Variants in PANK3 observed in about 807,000 individuals in gnomAD.
The protein encoded by PANK3 is hPanK3.
Under a neutral mutation model 39.4 loss-of-function variants are expected in PANK3, and 20 were observed. The ratio of observed to expected loss-of-function variants is 0.51; its 90% CI spans 0.36 to 0.74. PANK3 has a LOEUF of 0.74. Among genes scored for constraint, PANK3 ranks in the 30% least tolerant of loss-of-function variants. The pLI is 0.00. For synonymous variants in PANK3, 140 were observed against 157.3 expected (o/e 0.89, Z 0.82); for missense variants, 265 against 437.0 (o/e 0.61, Z 3.51).
intron 1 of PANK3, among the ~76,000 whole-genome samples, chr5:168,574,088 G>A (rs6875877): frequency 0.016 from 2,337 of 150,250 alleles, 66 homozygotes; most frequent in African/African-American, 0.054. Context: ...CTGAGGAATC[G>A]CCACACTGAC....
intron 1 of PANK3, among the ~76,000 whole-genome samples, chr5:168,576,323 A>G (rs998223441): frequency 2.0e-5 from 3 of 152,226 alleles, no homozygotes; most frequent in Non-Finnish European, 2.9e-5. Flanking sequence ...CTCAAAACCT[A>G]CATCACACCA....
At position 168,553,133 on chromosome 5, in the gene PANK3, G is replaced by A; in HGVS notation, c.*4438C>T. 1 of 449,252 alleles carries A rather than the reference G, an allele frequency of 2.2e-6. No individual in the cohort carries two copies. The highest frequency in any genetic ancestry group is 1.7e-5 in the South Asian group (1 of 57,402). 27.8% of individuals were successfully genotyped at this position (449,252 alleles called of 1,614,324 possible). Reference sequence around the variant, plus strand: ...CAAAATGGAAGGGCTACACTTTATAGGACAGCTGGAAGGATGGTAAAGCCC... The same window carrying A: ...CAAAATGGAAGGGCTACACTTTATAAGACAGCTGGAAGGATGGTAAAGCCC... On this transcript the variant is annotated 3_prime_UTR_variant, in exon 7 of 7. Coordinates refer to ENST00000239231, the MANE Select transcript of PANK3 (RefSeq NM_024594.4).
At chr5:168,569,024 A>ATATATATATATATAT (rs1313449980) in intron 1 of PANK3, 26 bp from the exon 2 acceptor site, 1 of 334,448 alleles carries the variant, frequency 3.0e-6, no homozygotes, top group African/African-American at 3.6e-5. Context: ...AAAAAAAAAA[A>ATATATATATATATAT]AAAAAAATAT....
At chr5:168,563,666 G>C (rs550538014) in intron 4 of PANK3, among the ~76,000 whole-genome samples, 69 of 136,380 alleles carry the variant, frequency 5.1e-4, no homozygotes, top group Middle Eastern at 3.6e-3. Flanking sequence ...ACACTGGAAA[G>C]ACACTCAAAA....
chr5:168,561,594 C>G (rs1211081322), intron 4 of PANK3, 78 bp from the exon 5 acceptor site: 4 of 1,222,266 alleles, frequency 3.3e-6, no homozygotes, highest in African/African-American at 1.6e-5. Flanking sequence ...TATCTACAAC[C>G]TGGATATTTT....
intron 5 of PANK3, chr5:168,561,012 T>C: frequency 2.1e-6 from 1 of 475,494 alleles, no homozygotes. Context: ...AATGCAACAT[T>C]AAGCACTGGT....
chr5:168,569,030 A>AAAATAT (rs1554125888), intron 1 of PANK3, 32 bp from the exon 2 acceptor site: 5 of 120,356 alleles, frequency 4.2e-5, no homozygotes, highest in African/African-American at 2.4e-4. Context: ...AAAAAAAAAA[A>AAAATAT]ATATATATAT....
At chr5:168,558,184 G>C (rs997793556) in intron 6 of PANK3, among the ~76,000 whole-genome samples, 1 of 131,098 alleles carries the variant, frequency 7.6e-6, no homozygotes, top group Non-Finnish European at 1.6e-5. Context: ...AGACAGTCTC[G>C]CTATCACCCA....
chr5:168,562,194 C>G (rs1469526566), intron 4 of PANK3, among the ~76,000 whole-genome samples: 1 of 152,004 alleles, frequency 6.6e-6, no homozygotes, highest in Non-Finnish European at 1.5e-5. Flanking sequence ...CTAACAGTAA[C>G]AGGGAAAAAA....
intron 1 of PANK3, among the ~76,000 whole-genome samples, chr5:168,572,305 G>A (rs1233380426): frequency 2.0e-5 from 3 of 151,846 alleles, no homozygotes; most frequent in Non-Finnish European, 4.4e-5. Flanking sequence ...GTAAAGAAGG[G>A]GTTTCACCAT....
chr5:168,567,092 A>G lies in PANK3; in HGVS notation c.382-826T>C, dbSNP rs547332170. Among the ~76,000 whole-genome samples, 4 of 152,346 alleles carry G rather than the reference A, an allele frequency of 2.6e-5. No individual in the cohort carries two copies. The South Asian group carries it at 6.2e-4, about 24-fold the overall frequency. On this transcript the variant is annotated intron_variant, in intron 2 of 6. Coordinates refer to ENST00000239231, the MANE Select transcript of PANK3 (RefSeq NM_024594.4). The stretch of plus-strand genomic sequence containing the variant: ...AATTTGCTAGGAATTGAACCACCAC[A>G]TAAAGCAAGGGAAAATTGTACTTCT...
At position 168,556,865 on chromosome 5, in the gene PANK3, T is replaced by C. The variant is rs1198167724; in HGVS notation, c.*706A>G. 2.0e-5 allele frequency: 3 copies of C among 152,626 alleles called. No homozygotes were observed. Among genetic ancestry groups the C allele is most frequent in the Non-Finnish European group, 4.4e-5 (3 of 68,034 alleles). 9.5% of individuals were successfully genotyped at this position (152,626 alleles called of 1,614,324 possible). A position where few individuals can be genotyped will look rare whatever the true frequency, so the allele number is the denominator to read the frequency against. ...CTCCCAGTAATTAAGCCTCCAATCT[T>C]AAAATGTTAAACATTTCAACATGTA... On this transcript the variant is annotated 3_prime_UTR_variant, in exon 7 of 7. Transcript: ENST00000239231.
rs1759315247 is a variant in PANK3, at chr5:168,554,243, C to T, written c.*3328G>A. 1 of 152,156 alleles carries T rather than the reference C, an allele frequency of 6.6e-6. No individual in the cohort carries two copies. The highest frequency in any genetic ancestry group is 2.4e-5 in the African/African-American group (1 of 41,422). 9.4% of individuals were successfully genotyped at this position (152,156 alleles called of 1,614,324 possible). On this transcript the variant is annotated 3_prime_UTR_variant, in exon 7 of 7. Coordinates refer to ENST00000239231, the MANE Select transcript of PANK3 (RefSeq NM_024594.4). The stretch of plus-strand genomic sequence containing the variant: ...GCTAATGGTTTAGGAAGTAGAAATG[C>T]TTGGGGATAAAATTGACTTCTATAC...
intron 1 of PANK3, among the ~76,000 whole-genome samples, chr5:168,571,523 A>C (rs1450056511): frequency 6.6e-6 from 1 of 152,230 alleles, no homozygotes; most frequent in Non-Finnish European, 1.5e-5. Context: ...TAGGATCTTA[A>C]CTATTATGAC....
At chr5:168,573,416 CAAAAAAAAAAA>C (rs574960925) in intron 1 of PANK3, among the ~76,000 whole-genome samples, 11 of 16,948 alleles carry the variant, frequency 6.5e-4, no homozygotes, top group Non-Finnish European at 9.0e-4. Context: ...CTCAGCAAGG[CAAAAAAAAAAA>C]AAAAAAAAAA....
At position 168,566,149 on chromosome 5, in the gene PANK3, A is replaced by C; in HGVS notation, c.499T>G (p.Ser167Ala). 1 of 1,614,010 alleles carries C rather than the reference A, an allele frequency of 6.2e-7. No individual in the cohort carries two copies. Among genetic ancestry groups the C allele is most frequent in the Middle Eastern group, 1.6e-4 (1 of 6,062 alleles). Residue 167 changes from serine to alanine, a missense_variant, in exon 3 of 7, where the codon TCA becomes GCA. Around this residue, in one of 3 missense-constraint regions of PANK3, gnomAD observed 154 missense variants for 256.8 expected, o/e 0.60. Transcript: ENST00000239231. The part of the protein sequence containing the change: ...QAECYYFANA[S>A]EPERCQKMPF... ...ATCTTTTGGCATCGCTCAGGTTCTG[A>C]GGCATTAGCAAAATAATAGCACTCG... is the stretch of plus-strand genomic sequence containing the variant.
chr5:168,571,068 G>T (rs570999991), intron 1 of PANK3, among the ~76,000 whole-genome samples: 14 of 152,062 alleles, frequency 9.2e-5, no homozygotes, highest in Non-Finnish European at 1.9e-4. Flanking sequence ...GTATATATTC[G>T]GAAGATTATA....
At chr5:168,570,000 T>C (rs2113124773) in intron 1 of PANK3, among the ~76,000 whole-genome samples, 1 of 151,432 alleles carries the variant, frequency 6.6e-6, no homozygotes, top group East Asian at 2.0e-4. Context: ...CGGTGAGCCA[T>C]GTTTGCACCA....
At chr5:168,574,653 G>A (rs1200877461) in intron 1 of PANK3, among the ~76,000 whole-genome samples, 1 of 152,116 alleles carries the variant, frequency 6.6e-6, no homozygotes, top group Non-Finnish European at 1.5e-5. Context: ...CCTGAGGTCG[G>A]GAGTTCGGAC....
Sources: allele counts gnomAD v4.1 joint callset (sites outside exome capture counted in the v4.1 genomes callset), GRCh38; gene constraint gnomAD v4.1.1; regional missense constraint gnomAD v4.1.1; transcripts MANE v1.5; gene names NCBI Gene and HGNC (gene_info 2026-07-23, HGNC 2026-07-21).